TLE4: variants seen among roughly 807,000 people sequenced by gnomAD.
TLE4 encodes TLE family member 4, transcriptional corepressor.
Under a neutral mutation model 92.8 loss-of-function variants are expected in TLE4, and 8 were observed. The ratio of observed to expected loss-of-function variants is 0.09; its 90% CI spans 0.05 to 0.16. TLE4 has a LOEUF of 0.16. TLE4 is among the 10% of genes least tolerant of loss of function. The pLI is 1.00. For missense variants in TLE4, 675 were observed against 997.6 expected, an observed-to-expected ratio of 0.68 and a Z score of 4.36; for synonymous variants, 371 against 374.1, an observed-to-expected ratio of 0.99 and a Z score of 0.10.
rs144795621 is a variant in TLE4 at position 79,651,393 on chromosome 9, C to T, written c.391-1200C>T. Among the ~76,000 whole-genome samples the T allele has an allele frequency of 8.5e-5, 13 of 152,264 alleles. 1 individual carries two copies. In the South Asian group the frequency reaches 1.0e-3, roughly 12 times the overall value. On this transcript the variant is annotated intron_variant, in intron 6 of 19. Transcript: ENST00000376552. The stretch of plus-strand genomic sequence containing the variant: ...CCGCGGTTCCTGTAGCAGAGTTTGA[C>T]GCAGCCTCAGCTGAGGTCAAGCACA...
At chr9:79,596,245 G>C (rs1251285446) in intron 4 of TLE4, among the ~76,000 whole-genome samples, 1 of 152,084 alleles carries the variant, frequency 6.6e-6, no homozygotes, top group Non-Finnish European at 1.5e-5. Flanking sequence ...TGTCTGAGAA[G>C]CTTTAAAATT....
chr9:79,594,684 C>G, intron 4 of TLE4, among the ~76,000 whole-genome samples: 1 of 152,266 alleles, frequency 6.6e-6, no homozygotes, highest in Non-Finnish European at 1.5e-5. Flanking sequence ...CACTCCACTC[C>G]GACAGATACT....
chr9:79,636,791 A>G (rs1255566835), intron 6 of TLE4, among the ~76,000 whole-genome samples: 3 of 152,204 alleles, frequency 2.0e-5, no homozygotes, highest in Non-Finnish European at 4.4e-5. Flanking sequence ...TTTTGTAGCC[A>G]TGAAGCCTAG....
intron 4 of TLE4, among the ~76,000 whole-genome samples, chr9:79,577,886 A>G (rs2038397528): frequency 6.6e-6 from 1 of 152,096 alleles, no homozygotes; most frequent in Non-Finnish European, 1.5e-5. Flanking sequence ...GAAATCCCTT[A>G]ATTTTACACA....
intron 4 of TLE4, among the ~76,000 whole-genome samples, chr9:79,588,216 C>T (rs978745824): frequency 2.0e-5 from 3 of 151,506 alleles, no homozygotes; most frequent in Non-Finnish European, 4.4e-5. Context: ...GGCGTGATCT[C>T]GGCTCATTGT....
chr9:79,649,886 G>A (rs752105720), intron 6 of TLE4: 2 of 1,331,810 alleles, frequency 1.5e-6, no homozygotes, highest in South Asian at 2.5e-5. Flanking sequence ...AGGGCTTTTT[G>A]TTGTTGTTGT....
intron 15 of TLE4, among the ~76,000 whole-genome samples, chr9:79,719,747 C>CTG (rs1162973472): frequency 1.3e-5 from 2 of 152,122 alleles, no homozygotes; most frequent in Non-Finnish European, 2.9e-5. Flanking sequence ...ACGTGTGTAT[C>CTG]TGTGTGTGCA....
At chr9:79,678,728 G>A (rs12344757) in intron 8 of TLE4, among the ~76,000 whole-genome samples, 7,457 of 151,434 alleles carry the variant, frequency 0.049, 291 homozygotes, top group African/African-American at 0.09. Flanking sequence ...CCATTAACTC[G>A]TCATTTATCA....
intron 4 of TLE4, among the ~76,000 whole-genome samples, chr9:79,592,204 TTCTTCTTCTTCC>T (rs1310687037): frequency 1.4e-5 from 2 of 138,066 alleles, no homozygotes; most frequent in Non-Finnish European, 3.1e-5. Context: ...CTTCTTCTTC[TTCTTCTTCTTCC>T]TCTTCTTCTT....
chr9:79,691,644 G>A (rs2067108260), intron 8 of TLE4, among the ~76,000 whole-genome samples: 1 of 152,050 alleles, frequency 6.6e-6, no homozygotes, highest in East Asian at 1.9e-4. Flanking sequence ...GTGCTCCAGT[G>A]CCATTGCCAG....
intron 6 of TLE4, among the ~76,000 whole-genome samples, chr9:79,650,504 T>C (rs1276142663): frequency 6.6e-6 from 1 of 152,192 alleles, no homozygotes; most frequent in African/African-American, 2.4e-5. Context: ...GAAACAAATT[T>C]GCCATATATT....
intron 8 of TLE4, among the ~76,000 whole-genome samples, chr9:79,664,858 C>A (rs2061136671): frequency 6.6e-6 from 1 of 152,148 alleles, no homozygotes; most frequent in Admixed American, 6.6e-5. Flanking sequence ...ATTCCCTTCT[C>A]TTTTCTTCCT....
At chr9:79,606,661 A>C (rs1296940697) in intron 4 of TLE4, among the ~76,000 whole-genome samples, 1 of 152,074 alleles carries the variant, frequency 6.6e-6, no homozygotes, top group African/African-American at 2.4e-5. Context: ...TTTGCTTAGA[A>C]TGATGATTTC....
chr9:79,717,325 C>T (rs1390064377), intron 14 of TLE4, among the ~76,000 whole-genome samples: 1 of 152,154 alleles, frequency 6.6e-6, no homozygotes, highest in Non-Finnish European at 1.5e-5. Flanking sequence ...GCCCTAGGGT[C>T]CTCTTCAGCA....
chr9:79,705,000 G>A (rs1214926396), intron 9 of TLE4, 98 bp downstream of exon 9: 23 of 1,525,900 alleles, frequency 1.5e-5, no homozygotes, highest in Non-Finnish European at 2.0e-5. Context: ...AGGAACACAG[G>A]ATAACATCCT....
chr9:79,631,616 A>ATGTGTGTGTG (rs57129541), intron 6 of TLE4, among the ~76,000 whole-genome samples: 9,279 of 117,986 alleles, frequency 0.079, 510 homozygotes, highest in South Asian at 0.12. Flanking sequence ...TGAACCTTAA[A>ATGTGTGTGTG]TGTGTGTGTG....
intron 5 of TLE4, among the ~76,000 whole-genome samples, chr9:79,618,346 A>G (rs1348798138): frequency 6.6e-6 from 1 of 152,244 alleles, no homozygotes. Context: ...TTCTTGTTAT[A>G]GAAGTCTCTT....
At chr9:79,710,817 A>G (rs191637043) in intron 14 of TLE4, among the ~76,000 whole-genome samples, 5 of 152,032 alleles carry the variant, frequency 3.3e-5, no homozygotes, top group Admixed American at 1.3e-4. Context: ...CCTCTTGACT[A>G]TAAGTTCCAT....
At chr9:79,661,837 G>A (rs549565478) in intron 8 of TLE4, among the ~76,000 whole-genome samples, 4 of 152,128 alleles carry the variant, frequency 2.6e-5, no homozygotes, top group Non-Finnish European at 4.4e-5. Flanking sequence ...AACAGTGTAA[G>A]CTGAGAGTTC....
Sources: allele counts gnomAD v4.1 joint callset (sites outside exome capture counted in the v4.1 genomes callset), GRCh38; gene constraint gnomAD v4.1.1; transcripts MANE v1.5; gene names NCBI Gene and HGNC (gene_info 2026-07-23, HGNC 2026-07-21).